The following SH3BGRL2 variants were observed in gnomAD, a reference collection of about 807,000 sequenced individuals.
The protein encoded by SH3BGRL2 is SH3 domain binding glutamate rich protein like 2.
In SH3BGRL2, 21 loss-of-function variants were observed where a neutral mutation model predicts 14.8. The ratio of observed to expected loss-of-function variants is 1.42; its 90% CI spans 1.01 to 2.05. The LOEUF is 2.05. SH3BGRL2 is among the 30% of genes most tolerant of loss of function. The pLI is 0.00. For missense variants in SH3BGRL2, 147 were observed against 130.8 expected, an observed-to-expected ratio of 1.12 and a Z score of -0.61; for synonymous variants, 50 against 47.8, an observed-to-expected ratio of 1.05 and a Z score of -0.19.
At chr6:79,684,038 A>G (rs967287598) in intron 2 of SH3BGRL2, among the ~76,000 whole-genome samples, 1 of 152,190 alleles carries the variant, frequency 6.6e-6, no homozygotes, top group Non-Finnish European at 1.5e-5. Context: ...AAAAAAAGCA[A>G]AAGTCCAAAA....
the SH3BGRL2 span, among the ~76,000 whole-genome samples, chr6:79,599,377 T>C: frequency 2.0e-5 from 3 of 151,700 alleles, no homozygotes; most frequent in Non-Finnish European, 4.4e-5. Flanking sequence ...CAGATCTTTT[T>C]TTTTTTTTTT....
At chr6:79,569,370 G>T in the SH3BGRL2 span, among the ~76,000 whole-genome samples, 1 of 152,126 alleles carries the variant, frequency 6.6e-6, no homozygotes, top group Non-Finnish European at 1.5e-5. Flanking sequence ...GACTTAAAAA[G>T]GTGCCAGACT....
Position 79,649,494 on chromosome 6 carries a change from G to A in SH3BGRL2, c.45+17988G>A, listed in dbSNP as rs533437042. Among the ~76,000 whole-genome samples, 246 of 152,272 alleles carry A rather than the reference G, an allele frequency of 1.6e-3. 1 individual carries two copies. Among genetic ancestry groups the A allele is most frequent in the African/African-American group, 5.6e-3 (233 of 41,560 alleles). ...CCTTAATTTCCAATTCCAGGAGAAA[G>A]TAGGTTATTTGCTCCTACCTCTGGC... On this transcript the variant is annotated intron_variant, in intron 1 of 3. Transcript: ENST00000369838.
At chr6:79,590,455 A>ATATATATATATATATATATATG in the SH3BGRL2 span, among the ~76,000 whole-genome samples, 10 of 116,156 alleles carry the variant, frequency 8.6e-5, 1 homozygote, top group East Asian at 2.6e-3. Flanking sequence ...ATATATATAT[A>ATATATATATATATATATATATG]TATATATATG....
the SH3BGRL2 span, among the ~76,000 whole-genome samples, chr6:79,581,135 A>G: frequency 6.6e-6 from 1 of 152,196 alleles, no homozygotes; most frequent in African/African-American, 2.4e-5. Flanking sequence ...TCTGAAATTG[A>G]GGCAACAATT....
Position 79,665,424 on chromosome 6 carries a change from C to T in SH3BGRL2, c.46-8190C>T, listed in dbSNP as rs12205498. On this transcript the variant is annotated intron_variant, in intron 1 of 3. Transcript: ENST00000369838. Reference sequence around the variant, plus strand: ...TGTTATTATGGCAACTATATAAAGTCTACTTCTAAATGTGGGCTCCCTGGA... The same window carrying T: ...TGTTATTATGGCAACTATATAAAGTTTACTTCTAAATGTGGGCTCCCTGGA... Among the ~76,000 whole-genome samples the T allele has an allele frequency of 4.3e-3, 662 of 152,220 alleles. 1 individual carries two copies. The highest frequency in any genetic ancestry group is 6.2e-3 in the Non-Finnish European group (422 of 68,012).
the SH3BGRL2 span, among the ~76,000 whole-genome samples, chr6:79,618,179 CTT>C: frequency 8.5e-5 from 13 of 152,134 alleles, no homozygotes; most frequent in Non-Finnish European, 7.4e-5. Flanking sequence ...AATTCTTTCT[CTT>C]TGCTAATTTT....
the SH3BGRL2 span, among the ~76,000 whole-genome samples, chr6:79,589,960 A>T: frequency 6.6e-6 from 1 of 151,618 alleles, no homozygotes; most frequent in Non-Finnish European, 1.5e-5. Context: ...TTTTGTAGAG[A>T]CGTGGTTTGG....
intron 1 of SH3BGRL2, among the ~76,000 whole-genome samples, chr6:79,649,590 G>A (rs1184350607): frequency 2.0e-5 from 3 of 151,812 alleles, no homozygotes; most frequent in Non-Finnish European, 4.4e-5. Flanking sequence ...AATACTTACA[G>A]ACTTTCTTTT....
chr6:79,557,575 A>G, the SH3BGRL2 span, among the ~76,000 whole-genome samples: 1 of 152,222 alleles, frequency 6.6e-6, no homozygotes, highest in African/African-American at 2.4e-5. Flanking sequence ...AACTGGAGCT[A>G]TTCCACTAGG....
intron 2 of SH3BGRL2, among the ~76,000 whole-genome samples, chr6:79,695,075 G>A (rs1180321183): frequency 1.3e-5 from 2 of 152,242 alleles, no homozygotes; most frequent in East Asian, 3.9e-4. Context: ...TGTCCACCCT[G>A]CCAGCTTCAC....
At chr6:79,606,788 G>A in the SH3BGRL2 span, among the ~76,000 whole-genome samples, 2 of 151,954 alleles carry the variant, frequency 1.3e-5, no homozygotes, top group Non-Finnish European at 2.9e-5. Flanking sequence ...CATTGTATGA[G>A]TAATGCTATT....
chr6:79,673,646 T>A lies in SH3BGRL2; in HGVS notation c.78T>A (p.Phe26Leu), dbSNP rs1769820039. ...IKKKQQDVVR[F>L]LEANKIEFEE... ...AGAAGCAGCAAGATGTGGTTAGATT[T>A]CTGGAAGCCAACAAGATAGAGTTTG... The change falls in exon 2 of 4, where the codon TTT (phenylalanine) becomes TTA (leucine). Residue 26 changes from phenylalanine to leucine, a missense_variant. Phe to Leu is a conservative substitution (Grantham distance 22, BLOSUM62 0). Transcript: ENST00000369838. 6.2e-7 allele frequency: 1 copy of A among 1,614,018 alleles called. No homozygotes were observed. Among genetic ancestry groups the A allele is most frequent in the Admixed American group, 1.7e-5 (1 of 59,994 alleles).
At chr6:79,669,485 G>A (rs1003232250) in intron 1 of SH3BGRL2, among the ~76,000 whole-genome samples, 7 of 116,896 alleles carry the variant, frequency 6.0e-5, no homozygotes, top group Admixed American at 1.1e-4. Flanking sequence ...ACAAAGTTTC[G>A]CCCTTGTTGC....
intron 1 of SH3BGRL2, among the ~76,000 whole-genome samples, chr6:79,666,177 G>A (rs759278745): frequency 3.3e-5 from 5 of 152,252 alleles, no homozygotes; most frequent in South Asian, 2.1e-4. Flanking sequence ...TGAACTTGTC[G>A]AGGGCCTGCC....
chr6:79,614,888 A>G, the SH3BGRL2 span, among the ~76,000 whole-genome samples: 7 of 152,174 alleles, frequency 4.6e-5, no homozygotes, highest in Non-Finnish European at 1.0e-4. Context: ...GCCAAAAGCC[A>G]CTTTCTGATT....
At chr6:79,650,211 G>C (rs191080272) in intron 1 of SH3BGRL2, among the ~76,000 whole-genome samples, 2 of 152,228 alleles carry the variant, frequency 1.3e-5, no homozygotes, top group East Asian at 3.9e-4. Flanking sequence ...AGTGCCTGTA[G>C]AGATTTCAGA....
chr6:79,673,249 C>A (rs1769808576), intron 1 of SH3BGRL2, among the ~76,000 whole-genome samples: 1 of 151,942 alleles, frequency 6.6e-6, no homozygotes, highest in African/African-American at 2.4e-5. Context: ...GAATTGTGCT[C>A]CAGAGTTCTG....
the SH3BGRL2 span, among the ~76,000 whole-genome samples, chr6:79,543,815 A>T: frequency 6.6e-6 from 1 of 152,204 alleles, no homozygotes; most frequent in Non-Finnish European, 1.5e-5. Flanking sequence ...TTATTTATAA[A>T]TATAAGAGGG....
Sources: gnomAD v4.1 joint callset for allele counts (sites outside exome capture counted in the v4.1 genomes callset) on GRCh38, gnomAD v4.1.1 for gene constraint, MANE v1.5 for transcripts, NCBI Gene and HGNC (gene_info 2026-07-23, HGNC 2026-07-21) for gene names.